Variants in EHD3 observed in about 807,000 individuals in gnomAD.
EHD3 encodes EH domain containing 3.
EHD3 carries 17 observed loss-of-function variants against 43.0 expected under a neutral mutation model. The ratio of observed to expected loss-of-function variants is 0.40; its 90% CI spans 0.27 to 0.59. The LOEUF is 0.59. EHD3 is among the 20% of genes least tolerant of loss of function. The pLI is 0.49. For missense variants in EHD3, 594 were observed against 705.6 expected (o/e 0.84, Z 1.79); for synonymous variants, 313 against 289.5 (o/e 1.08, Z -0.82).
intron 2 of EHD3, among the ~76,000 whole-genome samples, chr2:31,247,046 G>A (rs925068241): frequency 3.3e-5 from 5 of 152,006 alleles, no homozygotes; most frequent in African/African-American, 1.2e-4. Flanking sequence ...ACAGGCATGC[G>A]CCACCACGCC....
At position 31,249,438 on chromosome 2, in the gene EHD3, C is replaced by G; in HGVS notation, c.472C>G (p.Leu158Val). The G allele has an allele frequency of 1.9e-6, 3 of 1,614,144 alleles. No individual in the cohort carries two copies. Among genetic ancestry groups the G allele is most frequent in the Non-Finnish European group, 1.7e-6 (2 of 1,180,016 alleles). Residue 158 changes from leucine to valine, a missense_variant, in exon 3 of 6, where the codon CTC (leucine) becomes GTC (valine). Around this residue, in one of 3 missense-constraint regions of EHD3, gnomAD observed 243 missense variants for 296.7 expected, o/e 0.82. Transcript: ENST00000322054. Reference protein sequence around the residue: ...SISVIDTPGILSGEKQRISRG... With the variant: ...SISVIDTPGIVSGEKQRISRG... ...CAGCGTCATCGACACACCAGGGATC[C>G]TCTCTGGGGAGAAGCAGAGGATCAG...
chr2:31,239,968 C>T (rs1683389058), intron 1 of EHD3, among the ~76,000 whole-genome samples: 1 of 152,142 alleles, frequency 6.6e-6, no homozygotes, highest in African/African-American at 2.4e-5. Flanking sequence ...CGGGTAGTGC[C>T]CTGGGCGGGC....
intron 3 of EHD3, 38 bp downstream of exon 3, chr2:31,249,506 C>T (rs1683593042): frequency 6.3e-7 from 1 of 1,595,262 alleles, no homozygotes; most frequent in South Asian, 1.1e-5. Context: ...CTGTGGGCTC[C>T]ATGGTTCTGG....
At chr2:31,246,545 C>T (rs181870531) in intron 2 of EHD3, among the ~76,000 whole-genome samples, 39 of 152,176 alleles carry the variant, frequency 2.6e-4, no homozygotes, top group Admixed American at 8.5e-4. Context: ...GATAATTGTG[C>T]TTATAATGAT....
rs527540507 is a variant in EHD3, at chr2:31,269,341, C to T, written c.*2637C>T. ...TGGTACCAAAGAGCTAAATCATGACCAAAGTGTGACATGAATGTAACTGAA... is the reference window on the plus strand; with the variant it reads ...TGGTACCAAAGAGCTAAATCATGACTAAAGTGTGACATGAATGTAACTGAA... On this transcript the variant is annotated 3_prime_UTR_variant, in exon 6 of 6. Transcript: ENST00000322054. 3.9e-5 allele frequency: 6 copies of T among 152,326 alleles called. No homozygotes were observed. Among genetic ancestry groups the T allele is most frequent in the Admixed American group, 3.3e-4 (5 of 15,294 alleles). 9.4% of individuals were successfully genotyped at this position (152,326 alleles called of 1,614,324 possible). A position where few individuals can be genotyped will look rare whatever the true frequency, so the allele number is the denominator to read the frequency against.
In EHD3 at chr2:31,260,808, C is replaced by T. The variant is rs1683838880; in HGVS notation, c.801C>T (p.Asn267=). 3.1e-6 allele frequency: 5 copies of T among 1,614,182 alleles called. No homozygotes were observed. The highest frequency in any genetic ancestry group is 4.2e-6 in the Non-Finnish European group (5 of 1,180,040). ...CCCACCCCCTCCTCATCCCTGACAA[C>T]CGGAAGCTCTTTGAGGCTGAGGAAC... ...FWSHPLLIPD[N]RKLFEAEEQD... Residue 267 remains asparagine, a synonymous_variant, in exon 4 of 6, where the codon AAC becomes AAT. Coordinates refer to ENST00000322054, the MANE Select transcript of EHD3 (RefSeq NM_014600.3). The surrounding 1 kb of genome is among the most constrained non-coding windows in gnomAD (Gnocchi z 4.6).
At chr2:31,248,984 C>T (rs1572466051) in intron 2 of EHD3, among the ~76,000 whole-genome samples, 1 of 152,208 alleles carries the variant, frequency 6.6e-6, no homozygotes, top group Admixed American at 6.5e-5. Context: ...GAGGGCCAAG[C>T]TAAGTGGAGT....
chr2:31,237,864 G>A (rs976620180), intron 1 of EHD3, among the ~76,000 whole-genome samples: 3 of 152,078 alleles, frequency 2.0e-5, no homozygotes, highest in Admixed American at 2.0e-4. Context: ...ATTCCATTGT[G>A]TGTATATACG....
intron 3 of EHD3, among the ~76,000 whole-genome samples, chr2:31,256,628 G>A (rs994036982): frequency 1.3e-5 from 2 of 152,196 alleles, no homozygotes; most frequent in Non-Finnish European, 2.9e-5. Flanking sequence ...CTGAGGGCAG[G>A]GACAGGGATA....
In EHD3 at chr2:31,260,448, T is replaced by C; in HGVS notation, c.503-62T>C. ...TGTTATTTCTACCACACCCGACTGC[T>C]TCTCCAAACCCCTACCCTATACCCC... On this transcript the variant is annotated intron_variant, in intron 3 of 5. Coordinates refer to ENST00000322054, the MANE Select transcript of EHD3 (RefSeq NM_014600.3). The surrounding 1 kb of genome is among the most constrained non-coding windows in gnomAD (Gnocchi z 4.6). The C allele has an allele frequency of 2.7e-6, 4 of 1,493,298 alleles. No individual in the cohort carries two copies. Among genetic ancestry groups the C allele is most frequent in the East Asian group, 2.3e-5 (1 of 43,694 alleles). The allele number at this position is 1,493,298 out of a possible 1,614,324, so 92.5% of individuals were successfully genotyped here. A position where few individuals can be genotyped will look rare whatever the true frequency, so the allele number is the denominator to read the frequency against.
At chr2:31,245,550 TA>T (rs1247200977) in intron 2 of EHD3, among the ~76,000 whole-genome samples, 12 of 29,020 alleles carry the variant, frequency 4.1e-4, no homozygotes, top group East Asian at 3.4e-3. Context: ...TATATATATA[TA>T]TATTTTTTTT....
intron 2 of EHD3, among the ~76,000 whole-genome samples, chr2:31,245,232 A>G (rs1166500728): frequency 6.6e-6 from 1 of 152,194 alleles, no homozygotes; most frequent in Non-Finnish European, 1.5e-5. Flanking sequence ...ACCTGGGTTC[A>G]AATCCTGCCT....
intron 1 of EHD3, among the ~76,000 whole-genome samples, chr2:31,235,947 G>T (rs1305435109): frequency 6.6e-6 from 1 of 152,178 alleles, no homozygotes; most frequent in Non-Finnish European, 1.5e-5. Context: ...TGAGAATGGA[G>T]TTTGGTGGCC....
chr2:31,247,813 G>A lies in EHD3; in HGVS notation c.405-1558G>A, dbSNP rs140705648. 5.2e-4 allele frequency among the ~76,000 whole-genome samples: 79 copies of A among 152,268 alleles called. 1 individual carries two copies. The highest frequency in any genetic ancestry group is 1.7e-3 in the African/African-American group (71 of 41,532). ...ATTTGACCCTGACATTAAATGATGAGTGAAGTGGCACCAACAGTGTAAAAA... is the reference window on the plus strand; with the variant it reads ...ATTTGACCCTGACATTAAATGATGAATGAAGTGGCACCAACAGTGTAAAAA... On this transcript the variant is annotated intron_variant, in intron 2 of 5. Transcript: ENST00000322054.
In EHD3 at chr2:31,261,635, C is replaced by A; in HGVS notation, c.1002C>A (p.Asn334Lys). ...KDNKKKELVN[N>K]LAEIYGRIER... ...ACAAGAAGAAGGAGCTGGTCAACAA[C>A]CTGGCCGAGATCTATGGCCGGATCG... is the stretch of plus-strand genomic sequence containing the variant. The change falls in exon 5 of 6, where the codon AAC (asparagine) becomes AAA (lysine). Residue 334 changes from asparagine (N) to lysine (K), a missense_variant. This residue lies in a region of EHD3 where 322 missense variants were observed against 348.0 expected (regional missense o/e 0.93). Coordinates refer to ENST00000322054, the MANE Select transcript of EHD3 (RefSeq NM_014600.3). 1.9e-6 allele frequency: 3 copies of A among 1,614,234 alleles called. No individual in the cohort carries two copies. Among genetic ancestry groups the A allele is most frequent in the Non-Finnish European group, 2.5e-6 (3 of 1,180,046 alleles).
rs202132482 is a variant in EHD3, at chr2:31,261,588, C to G, written c.955C>G (p.Pro319Ala). 6.2e-7 allele frequency: 1 copy of G among 1,614,188 alleles called. No individual in the cohort carries two copies. Among genetic ancestry groups the G allele is most frequent in the Non-Finnish European group, 8.5e-7 (1 of 1,180,040 alleles). ...CATCAGCTCTCTGAAGAAGGAGATG[C>G]CCTCGGTGTTCGGGAAGGACAACAA... ...YIISSLKKEM[P>A]SVFGKDNKKK... Residue 319 changes from proline (P) to alanine (A), a missense_variant, in exon 5 of 6, where the codon CCC (proline) becomes GCC (alanine). Coordinates refer to ENST00000322054, the MANE Select transcript of EHD3 (RefSeq NM_014600.3).
At chr2:31,252,177 A>G (rs2148719949) in intron 3 of EHD3, among the ~76,000 whole-genome samples, 1 of 152,318 alleles carries the variant, frequency 6.6e-6, no homozygotes, top group East Asian at 1.9e-4. Context: ...ATGTGTAACA[A>G]GGGGTAATGA....
intron 5 of EHD3, among the ~76,000 whole-genome samples, chr2:31,261,917 C>T (rs1271539416): frequency 6.6e-6 from 1 of 152,210 alleles, no homozygotes; most frequent in South Asian, 2.1e-4. Flanking sequence ...GGGAGAAACA[C>T]GGAGCCCACC....
chr2:31,259,657 C>T (rs1683810511), intron 3 of EHD3, among the ~76,000 whole-genome samples: 1 of 152,158 alleles, frequency 6.6e-6, no homozygotes, highest in Non-Finnish European at 1.5e-5. Context: ...AGGAAAGAGC[C>T]TGAGTGAGAA....
Sources: gnomAD v4.1 joint callset for allele counts (sites outside exome capture counted in the v4.1 genomes callset) on GRCh38, gnomAD v4.1.1 for gene constraint, gnomAD v4.1.1 regional missense constraint, Gnocchi (gnomAD v3.1) non-coding constraint, MANE v1.5 for transcripts, NCBI Gene and HGNC (gene_info 2026-07-23, HGNC 2026-07-21) for gene names.